The following SVIL variants were observed in gnomAD, a reference collection of about 807,000 sequenced individuals.
The protein encoded by SVIL is supervillin.
A neutral mutation model predicts 240.4 loss-of-function variants in SVIL; 101 were observed. The ratio of observed to expected loss-of-function variants is 0.42; its 90% confidence interval spans 0.36 to 0.50. The LOEUF (loss-of-function observed/expected upper bound fraction) is 0.50, where lower values mean the gene tolerates loss of function less well. Ranked by LOEUF, SVIL falls within the 20% of genes least tolerant of loss-of-function variation. SVIL has a pLI of 0.01. For missense variants in SVIL, 2,512 were observed against 2,818.7 expected (o/e 0.89, Z 2.46); for synonymous variants, 999 against 1,100.0 (o/e 0.91, Z 1.82).
chr10:29,593,490 A>G (rs985520188), intron 1 of SVIL, among the ~76,000 whole-genome samples: 2 of 152,210 alleles, frequency 1.3e-5, no homozygotes, highest in African/African-American at 4.8e-5. Flanking sequence ...CCTATCTGTC[A>G]GACTCAAGTC....
chr10:29,701,229 G>C (rs1962490512), intron 1 of SVIL, among the ~76,000 whole-genome samples: 1 of 152,036 alleles, frequency 6.6e-6, no homozygotes, highest in African/African-American at 2.4e-5. Flanking sequence ...CACAAGACCT[G>C]ATTTAGTAGC....
At chr10:29,555,566 T>C (rs902818817) in intron 3 of SVIL, among the ~76,000 whole-genome samples, 1 of 152,220 alleles carries the variant, frequency 6.6e-6, no homozygotes, top group African/African-American at 2.4e-5. Context: ...GTGACTCACG[T>C]ATATGTCACA....
chr10:29,707,961 TA>T, intron 1 of SVIL, among the ~76,000 whole-genome samples: 1 of 151,924 alleles, frequency 6.6e-6, no homozygotes, highest in African/African-American at 2.4e-5. Context: ...AAAATAACTT[TA>T]AAAAAAATGT....
At chr10:29,622,762 C>T (rs370716458) in intron 1 of SVIL, among the ~76,000 whole-genome samples, 6 of 152,196 alleles carry the variant, frequency 3.9e-5, no homozygotes, top group African/African-American at 7.2e-5. Context: ...CCAAAGGACA[C>T]GTTGTCAACA....
chr10:29,494,757 T>C (rs1354880554), intron 20 of SVIL, among the ~76,000 whole-genome samples, 157 bp downstream of exon 20: 3 of 152,168 alleles, frequency 2.0e-5, no homozygotes, highest in African/African-American at 7.2e-5. Flanking sequence ...AAATGTATTA[T>C]TGGGAGTCCC....
At position 29,533,294 on chromosome 10, in the gene SVIL, C is replaced by A. The variant is rs1382479646; in HGVS notation, c.1073G>T (p.Gly358Val). 6.2e-7 allele frequency: 1 copy of A among 1,614,028 alleles called. No homozygotes were observed. The highest frequency in any genetic ancestry group is 2.2e-5 in the East Asian group (1 of 44,856). ...GCCACGGATTGGCTGTCGTGTAGAGCCTGCTGCCTTGCTGGGGACCCTATC... is the reference window on the plus strand; with the variant it reads ...GCCACGGATTGGCTGTCGTGTAGAGACTGCTGCCTTGCTGGGGACCCTATC... ...AFDRVPSKAA[G>V]STRQPIRGYV... Residue 358 changes from glycine (G) to valine (V), a missense_variant, in exon 8 of 38, where the codon GGC becomes GTC. Gly to Val is a moderately radical substitution (Grantham distance 109, BLOSUM62 -3). Around this residue, in one of 3 missense-constraint regions of SVIL, gnomAD observed 1,443 missense variants for 1,486.6 expected, o/e 0.97. Transcript: ENST00000355867.
At chr10:29,567,037 G>A (rs1160280368) in intron 2 of SVIL, among the ~76,000 whole-genome samples, 2 of 152,204 alleles carry the variant, frequency 1.3e-5, no homozygotes, top group Non-Finnish European at 2.9e-5. Context: ...TTCTAACAGT[G>A]AGAAACACCT....
chr10:29,609,389 G>C (rs889878169), intron 1 of SVIL, among the ~76,000 whole-genome samples: 2 of 152,172 alleles, frequency 1.3e-5, no homozygotes, highest in African/African-American at 2.4e-5. Flanking sequence ...CACCCCACAT[G>C]ATGGGAAACA....
chr10:29,495,318 C>T (rs1830338760), intron 18 of SVIL, 137 bp from the exon 19 acceptor site: 2 of 578,968 alleles, frequency 3.5e-6, no homozygotes, highest in South Asian at 2.2e-5. Flanking sequence ...CACACACACA[C>T]ACATTTCACA....
At chr10:29,515,439 T>C (rs1950143133) in intron 16 of SVIL, among the ~76,000 whole-genome samples, 1 of 152,254 alleles carries the variant, frequency 6.6e-6, no homozygotes, top group South Asian at 2.1e-4. Context: ...CATATTTGCA[T>C]GCTGTATTTG....
chr10:29,633,276 T>G (rs1958179274), intron 1 of SVIL, among the ~76,000 whole-genome samples: 1 of 147,782 alleles, frequency 6.8e-6, no homozygotes, highest in Non-Finnish European at 1.5e-5. Flanking sequence ...CTGGTTTTGG[T>G]GAGAAGAGAC....
rs111233378 is a variant in SVIL, at chr10:29,722,970, C to T, written c.-400+12781G>A. 6.2e-3 allele frequency among the ~76,000 whole-genome samples: 951 copies of T among 152,354 alleles called. 9 individuals carry two copies. Among genetic ancestry groups the T allele is most frequent in the African/African-American group, 0.022 (899 of 41,584 alleles). On this transcript the variant is annotated intron_variant, in intron 1 of 35. Transcript: ENST00000375400. ...CCTCTCAAGCCTTGATGTTGCTCAT[C>T]TGTGAAATGGGAGTAATACTACCTA...
chr10:29,531,333 G>A (rs1054540265), intron 9 of SVIL, 45 bp from the exon 10 acceptor site: 2 of 1,552,674 alleles, frequency 1.3e-6, no homozygotes, highest in Middle Eastern at 1.7e-4. Context: ...TAGCAGGTGG[G>A]AGCAGAAGAT....
intron 3 of SVIL, among the ~76,000 whole-genome samples, chr10:29,559,973 CAGA>C (rs1954302954): frequency 2.0e-5 from 3 of 152,158 alleles, no homozygotes; most frequent in African/African-American, 4.8e-5. Flanking sequence ...CTCTAAGAAA[CAGA>C]AGGTTTCTGG....
chr10:29,633,897 T>G (rs2132958787), intron 1 of SVIL, among the ~76,000 whole-genome samples: 1 of 152,204 alleles, frequency 6.6e-6, no homozygotes, highest in Middle Eastern at 3.4e-3. Flanking sequence ...ACATCGCAAG[T>G]TCTAGAAATC....
intron 2 of SVIL, among the ~76,000 whole-genome samples, chr10:29,673,696 GA>G (rs1959981618): frequency 2.0e-5 from 3 of 152,138 alleles, no homozygotes; most frequent in African/African-American, 7.2e-5. Flanking sequence ...CAGCATGGGG[GA>G]AACCGCCTCC....
chr10:29,626,195 G>GCA (rs987569894), intron 1 of SVIL, among the ~76,000 whole-genome samples: 3 of 151,938 alleles, frequency 2.0e-5, no homozygotes, highest in African/African-American at 4.8e-5. Context: ...TTTTCTCAAG[G>GCA]CACACACACA....
intron 2 of SVIL, among the ~76,000 whole-genome samples, chr10:29,663,640 G>A (rs1248323506): frequency 6.6e-6 from 1 of 152,228 alleles, no homozygotes; most frequent in Non-Finnish European, 1.5e-5. Flanking sequence ...ACAGGCGTGA[G>A]CCACCATGCC....
intron 1 of SVIL, among the ~76,000 whole-genome samples, chr10:29,722,204 CAG>C (rs1189819342): frequency 7.3e-6 from 1 of 136,814 alleles, no homozygotes; most frequent in African/African-American, 2.8e-5. Context: ...GCCTGGGTGA[CAG>C]AGTGAGACTC....
Sources: gnomAD v4.1 joint callset for allele counts (sites outside exome capture counted in the v4.1 genomes callset) on GRCh38, gnomAD v4.1.1 for gene constraint, gnomAD v4.1.1 regional missense constraint, MANE v1.5 for transcripts, NCBI Gene and HGNC (gene_info 2026-07-23, HGNC 2026-07-21) for gene names.